ZNF90: variants seen among roughly 807,000 people sequenced by gnomAD.
ZNF90 encodes the protein zinc finger protein 90, also known as zinc finger protein HTF9.
In ZNF90, 11 loss-of-function variants were observed where a neutral mutation model predicts 12.0. That is an observed-to-expected ratio of 0.92 (90% CI 0.58 to 1.52). The LOEUF (loss-of-function observed/expected upper bound fraction) is 1.52, where lower values mean the gene tolerates loss of function less well. Ranked by LOEUF, ZNF90 falls within the 40% of genes most tolerant of loss-of-function variation. The pLI, the probability that ZNF90 is intolerant of heterozygous loss-of-function variation, is 0.00. For missense variants in ZNF90, 765 were observed against 711.5 expected, an observed-to-expected ratio of 1.08 and a Z score of -0.86; for synonymous variants, 232 against 240.1, an observed-to-expected ratio of 0.97 and a Z score of 0.31.
chr19:20,110,333 C>T (rs1454058212), intron 3 of ZNF90, among the ~76,000 whole-genome samples: 1 of 151,988 alleles, frequency 6.6e-6, no homozygotes, highest in Non-Finnish European at 1.5e-5. Flanking sequence ...GGCTGGAGTG[C>T]AGTGGTGTGA....
chr19:20,118,629 CATAAG>C lies in ZNF90; in HGVS notation c.1077_1081del (p.His359GlnfsTer12), dbSNP rs1555706091. On this transcript the variant is annotated frameshift_variant, in exon 4 of 4. Transcript: ENST00000418063. LOFTEE classifies it low-confidence loss of function (END_TRUNC). ...CAGGCGCTCCTTAGTCCTTCGTACA[CATAAG>C]AGAATTCATACTGGAGAGAAACCCT... is the stretch of plus-strand genomic sequence containing the variant. The C allele has an allele frequency of 1.2e-6, 2 of 1,611,944 alleles. No individual in the cohort carries two copies. Among genetic ancestry groups the C allele is most frequent in the East Asian group, 2.2e-5 (1 of 44,708 alleles).
intron 3 of ZNF90, among the ~76,000 whole-genome samples, chr19:20,110,068 C>G (rs539123627): frequency 1.7e-4 from 26 of 152,230 alleles, no homozygotes; most frequent in Non-Finnish European, 2.5e-4. Flanking sequence ...TGTATTAATT[C>G]AAGTGACACA....
At position 20,120,479 on chromosome 19, in the gene ZNF90, AGAG is replaced by A. The variant is rs1323500760; in HGVS notation, c.*1120_*1122del. Among the ~76,000 whole-genome samples, 13 of 152,228 alleles carry A rather than the reference AGAG, an allele frequency of 8.5e-5. No individual in the cohort carries two copies. The highest frequency in any genetic ancestry group is 1.6e-4 in the Non-Finnish European group (11 of 68,040). On this transcript the variant is annotated 3_prime_UTR_variant, in exon 4 of 4. Coordinates refer to ENST00000418063, the MANE Select transcript of ZNF90 (RefSeq NM_007138.2). ...TGTTCAACAACAGGGAATTTATGTT[AGAG>A]AAGAATCCTGCAAATGTAGTGAATT...
At chr19:20,091,905 C>T (rs536281313) in intron 1 of ZNF90, among the ~76,000 whole-genome samples, 91 of 152,226 alleles carry the variant, frequency 6.0e-4, no homozygotes, top group East Asian at 2.9e-3. Flanking sequence ...GGAGGCAGAG[C>T]GGTAGCCTCA....
At chr19:20,112,233 ATT>A (rs35771879) in intron 3 of ZNF90, among the ~76,000 whole-genome samples, 9 of 137,442 alleles carry the variant, frequency 6.5e-5, no homozygotes, top group Admixed American at 7.4e-5. Context: ...AATAATTTTG[ATT>A]TTTTTTTTTT....
intron 1 of ZNF90, among the ~76,000 whole-genome samples, chr19:20,089,230 A>C (rs2088883154): frequency 6.6e-6 from 1 of 152,110 alleles, no homozygotes. Flanking sequence ...GAAAACATTG[A>C]GTATCTATGA....
intron 1 of ZNF90, among the ~76,000 whole-genome samples, chr19:20,082,708 T>C (rs373737193): frequency 1.3e-5 from 2 of 152,270 alleles, no homozygotes; most frequent in East Asian, 3.9e-4. Context: ...GTCTGAAATA[T>C]GACCTCATGG....
chr19:20,078,392 C>T (rs2088793992), intron 1 of ZNF90, among the ~76,000 whole-genome samples: 1 of 151,990 alleles, frequency 6.6e-6, no homozygotes, highest in Admixed American at 6.5e-5. Flanking sequence ...AGCGCTGCGT[C>T]TCTCCCAGAT....
At position 20,078,189 on chromosome 19, in the gene ZNF90, T is replaced by C. The variant is rs201415273; in HGVS notation, c.3+54T>C. On this transcript the variant is annotated intron_variant, in intron 1 of 3. Transcript: ENST00000418063. ...GAGGGGAGGGACTGGTTGGAACCGA[T>C]GGGAAGTGGCTGTGGCGGGACTTAG... 4,263 of 1,612,472 alleles carry C rather than the reference T, an allele frequency of 2.6e-3. 7 individuals are homozygous for C. Among genetic ancestry groups the C allele is most frequent in the Non-Finnish European group, 3.3e-3 (3,888 of 1,178,922 alleles).
chr19:20,112,613 T>C lies in ZNF90; in HGVS notation c.227-5168T>C, dbSNP rs183071197. On this transcript the variant is annotated intron_variant, in intron 3 of 3. Coordinates refer to ENST00000418063, the MANE Select transcript of ZNF90 (RefSeq NM_007138.2). ...TTGGGATTACAGGCATGAGCCAGCATGCACAACCTCTTGTAGTACATCTTG... is the reference window on the plus strand; with the variant it reads ...TTGGGATTACAGGCATGAGCCAGCACGCACAACCTCTTGTAGTACATCTTG... Among the ~76,000 whole-genome samples the C allele has an allele frequency of 1.1e-3, 167 of 152,268 alleles. 1 individual carries two copies. The highest frequency in any genetic ancestry group is 3.8e-3 in the African/African-American group (156 of 41,564).
At chr19:20,106,307 C>CT (rs2089037567) in intron 3 of ZNF90, among the ~76,000 whole-genome samples, 1 of 151,896 alleles carries the variant, frequency 6.6e-6, no homozygotes, top group Non-Finnish European at 1.5e-5. Context: ...CAACTTTTTA[C>CT]TTATTTTTCT....
In ZNF90 at chr19:20,119,403, G is replaced by A; in HGVS notation, c.*43G>A. The A allele has an allele frequency of 6.7e-7, 1 of 1,496,026 alleles. No homozygotes were observed. Among genetic ancestry groups the A allele is most frequent in the Non-Finnish European group, 9.0e-7 (1 of 1,110,148 alleles). 92.7% of individuals were successfully genotyped at this position (1,496,026 alleles called of 1,614,324 possible). A position where few individuals can be genotyped will look rare whatever the true frequency, so the allele number is the denominator to read the frequency against. On this transcript the variant is annotated 3_prime_UTR_variant, in exon 4 of 4. Transcript: ENST00000418063. ...AATAAACATAAGATAATTCATACTG[G>A]AGAGAAACCGTATAAATGTGATGAC...
intron 1 of ZNF90, chr19:20,087,630 G>C (rs900807199): frequency 6.6e-6 from 1 of 152,294 alleles, no homozygotes; most frequent in African/African-American, 2.4e-5. Flanking sequence ...AAGGTGAGCT[G>C]TGCTCTGGGC....
intron 1 of ZNF90, among the ~76,000 whole-genome samples, chr19:20,088,132 G>T (rs2088874432): frequency 6.6e-6 from 1 of 152,096 alleles, no homozygotes; most frequent in Non-Finnish European, 1.5e-5. Context: ...TCAGAGGCCT[G>T]ACATTCCTGC....
intron 1 of ZNF90, among the ~76,000 whole-genome samples, chr19:20,082,282 C>T (rs2088826253): frequency 6.6e-6 from 1 of 152,078 alleles, no homozygotes; most frequent in African/African-American, 2.4e-5. Context: ...TTCATGTGTT[C>T]TTATTATTTA....
rs370230568 is a variant in ZNF90 at position 20,114,574 on chromosome 19, T to C, written c.227-3207T>C. Among the ~76,000 whole-genome samples, 11 of 152,320 alleles carry C rather than the reference T, an allele frequency of 7.2e-5. No homozygotes were observed. In the East Asian group the frequency reaches 2.1e-3, roughly 29 times the overall value. ...TAGAATATGTGTTGTATCATTTCTA[T>C]ATATTTGTACATTTATTAATTATTT... On this transcript the variant is annotated intron_variant, in intron 3 of 3. Transcript: ENST00000418063.
intron 1 of ZNF90, among the ~76,000 whole-genome samples, chr19:20,095,316 G>T (rs1247532975): frequency 1.3e-5 from 2 of 152,064 alleles, no homozygotes; most frequent in Admixed American, 6.5e-5. Context: ...CCGTTTTCTG[G>T]CCATTTAGAG....
At chr19:20,089,134 A>G (rs566271566) in intron 1 of ZNF90, among the ~76,000 whole-genome samples, 1 of 152,320 alleles carries the variant, frequency 6.6e-6, no homozygotes, top group African/African-American at 2.4e-5. Context: ...CTAGGGATCC[A>G]GCTAGGGCGG....
intron 3 of ZNF90, among the ~76,000 whole-genome samples, chr19:20,113,894 C>T (rs761556057): frequency 1.3e-5 from 2 of 152,052 alleles, no homozygotes; most frequent in South Asian, 2.1e-4. Context: ...GTCAGAAACA[C>T]TTTTGGATTT....
Sources: gnomAD v4.1 joint callset for allele counts (sites outside exome capture counted in the v4.1 genomes callset) on GRCh38, gnomAD v4.1.1 for gene constraint, MANE v1.5 for transcripts, NCBI Gene and HGNC (gene_info 2026-07-23, HGNC 2026-07-21) for gene names.